The following SH3YL1 variants were observed in gnomAD, a reference collection of about 807,000 sequenced individuals.
The protein encoded by SH3YL1 is SH3 and SYLF domain containing 1.
Under a neutral mutation model 45.8 loss-of-function variants are expected in SH3YL1, and 41 were observed. The observed-to-expected ratio is 0.89, with a 90% CI of 0.70 to 1.16. The LOEUF (loss-of-function observed/expected upper bound fraction) is 1.16, where lower values mean the gene tolerates loss of function less well. SH3YL1 is among the 50% of genes most tolerant of loss of function. The pLI, the probability that SH3YL1 is intolerant of heterozygous loss-of-function variation, is 0.00. For missense variants in SH3YL1, 389 were observed against 409.6 expected, an observed-to-expected ratio of 0.95 and a Z score of 0.43; for synonymous variants, 152 against 151.4, an observed-to-expected ratio of 1.00 and a Z score of -0.03.
At chr2:242,997 C>T (rs1374157774) in intron 4 of SH3YL1, 3 of 581,008 alleles carry the variant, frequency 5.2e-6, no homozygotes, top group African/African-American at 3.8e-5. Flanking sequence ...TTTATACAAG[C>T]ACATAATATC....
At chr2:238,260 TGTG>T (rs1668392644) in intron 4 of SH3YL1, among the ~76,000 whole-genome samples, 1 of 2,550 alleles carries the variant, frequency 3.9e-4, no homozygotes, top group South Asian at 0.02. Context: ...CCTCCCTCCT[TGTG>T]TGTGTGTGTG....
intron 1 of SH3YL1, among the ~76,000 whole-genome samples, chr2:258,529 T>C (rs892763974): frequency 3.9e-5 from 6 of 152,226 alleles, no homozygotes; most frequent in African/African-American, 9.6e-5. Context: ...AACAGGATTG[T>C]AGATATTACC....
At position 233,176 on chromosome 2, in the gene SH3YL1, C is replaced by G; in HGVS notation, c.458G>C (p.Cys153Ser). Residue 153 changes from cysteine to serine, a missense_variant, in exon 6 of 10, where the codon TGC becomes TCC. By Grantham distance (112) the Cys-to-Ser change is moderately radical. Transcript: ENST00000356150. The part of the protein sequence containing the change: ...LRSSAAVFTY[C>S]KSRGLFAGVS... ...GCCTGCAAAGAGTCCCCTTGACTTG[C>G]AGTACGTGAAGACGGCAGCGGAGCT... The G allele has an allele frequency of 6.3e-7, 1 of 1,596,120 alleles. No individual in the cohort carries two copies. The highest frequency in any genetic ancestry group is 8.5e-7 in the Non-Finnish European group (1 of 1,169,692).
Position 262,653 on chromosome 2 carries a change from A to C in SH3YL1, c.1+1331T>G. Reference sequence around the variant, plus strand: ...CACTGGCAAACAAGCTGGCGTGCACAGGGACTTGTGAGGCTCTCAGCAGAG... The same window carrying C: ...CACTGGCAAACAAGCTGGCGTGCACCGGGACTTGTGAGGCTCTCAGCAGAG... On this transcript the variant is annotated intron_variant, in intron 1 of 9. Transcript: ENST00000356150. 4 of 1,304,310 alleles carry C rather than the reference A, an allele frequency of 3.1e-6. No individual in the cohort carries two copies. The Middle Eastern group carries it at 6.4e-4, about 208-fold the overall frequency. 80.8% of individuals were successfully genotyped at this position (1,304,310 alleles called of 1,614,324 possible).
At chr2:226,823 G>A (rs914371866) in intron 8 of SH3YL1, among the ~76,000 whole-genome samples, 1 of 151,552 alleles carries the variant, frequency 6.6e-6, no homozygotes, top group African/African-American at 2.4e-5. Context: ...TACATATACT[G>A]GGGAGTATAT....
At chr2:228,827 T>C (rs534448605) in intron 8 of SH3YL1, among the ~76,000 whole-genome samples, 17 of 152,272 alleles carry the variant, frequency 1.1e-4, no homozygotes, top group African/African-American at 3.4e-4. Context: ...CCAAGAATCA[T>C]ATGAGGGACT....
chr2:258,959 G>A (rs1395823872), intron 1 of SH3YL1, among the ~76,000 whole-genome samples: 1 of 152,140 alleles, frequency 6.6e-6, no homozygotes, highest in African/African-American at 2.4e-5. Context: ...CTAGTAACAT[G>A]CTCTGCAAAT....
intron 1 of SH3YL1, among the ~76,000 whole-genome samples, chr2:254,468 T>C (rs1669218851): frequency 6.6e-6 from 1 of 152,186 alleles, no homozygotes; most frequent in Admixed American, 6.5e-5. Context: ...TGTCTACAAT[T>C]AGGAGGCACA....
chr2:232,760 G>A (rs530253750), intron 6 of SH3YL1, among the ~76,000 whole-genome samples: 179 of 151,752 alleles, frequency 1.2e-3, no homozygotes, highest in African/African-American at 4.0e-3. Flanking sequence ...AATGCGAAGT[G>A]GAAAAAACAG....
chr2:235,336 G>A (rs1178433938), intron 4 of SH3YL1, among the ~76,000 whole-genome samples: 1 of 151,932 alleles, frequency 6.6e-6, no homozygotes, highest in Non-Finnish European at 1.5e-5. Flanking sequence ...CAAATGAGAG[G>A]CAGCATGGGT....
At chr2:261,477 C>T (rs1301804231) in intron 1 of SH3YL1, among the ~76,000 whole-genome samples, 1 of 151,972 alleles carries the variant, frequency 6.6e-6, no homozygotes. Flanking sequence ...TTCTTTAAAA[C>T]AAAAGTTAAA....
chr2:249,337 T>A (rs73907913), intron 3 of SH3YL1, among the ~76,000 whole-genome samples: 267 of 152,282 alleles, frequency 1.8e-3, no homozygotes, highest in African/African-American at 6.0e-3. Flanking sequence ...AATTCACATA[T>A]GGCCCCTTAT....
At chr2:221,950 AAGG>A (rs954845867) in intron 9 of SH3YL1, among the ~76,000 whole-genome samples, 174 of 152,286 alleles carry the variant, frequency 1.1e-3, no homozygotes, top group African/African-American at 3.9e-3. Flanking sequence ...TAATTTTCAC[AAGG>A]AGAAGTTTAA....
At chr2:230,656 G>C (rs549244596) in intron 7 of SH3YL1, 147 of 275,446 alleles carry the variant, frequency 5.3e-4, no homozygotes, top group Non-Finnish European at 9.2e-4. Flanking sequence ...ATGGGCACAC[G>C]CCACCATGCC....
intron 4 of SH3YL1, 70 bp from the exon 5 acceptor site, chr2:234,342 A>G (rs1668190901): frequency 9.2e-7 from 1 of 1,086,012 alleles, no homozygotes; most frequent in Non-Finnish European, 1.4e-6. Context: ...ATCTTGACTA[A>G]CACTCAACTA....
intron 8 of SH3YL1, among the ~76,000 whole-genome samples, chr2:226,954 G>A (rs1667808572): frequency 6.6e-6 from 1 of 152,156 alleles, no homozygotes; most frequent in Non-Finnish European, 1.5e-5. Flanking sequence ...GGTGAAAAAT[G>A]CACATGGTGG....
At chr2:228,432 C>T (rs1667878679) in intron 8 of SH3YL1, among the ~76,000 whole-genome samples, 1 of 152,196 alleles carries the variant, frequency 6.6e-6, no homozygotes, top group African/African-American at 2.4e-5. Context: ...GTAAGGTCCA[C>T]AGTCATTTTT....
At chr2:224,523 C>T (rs1048094459) in intron 9 of SH3YL1, among the ~76,000 whole-genome samples, 4 of 152,142 alleles carry the variant, frequency 2.6e-5, no homozygotes, top group Non-Finnish European at 5.9e-5. Context: ...TGCCATGGCT[C>T]CCGGGGCTCA....
intron 6 of SH3YL1, 187 bp downstream of exon 6, chr2:232,914 T>G: frequency 2.5e-6 from 1 of 405,228 alleles, no homozygotes; most frequent in Non-Finnish European, 4.0e-6. Flanking sequence ...TTATTTCTTT[T>G]TCATGTGTCT....
Sources: gnomAD v4.1 joint callset for allele counts (sites outside exome capture counted in the v4.1 genomes callset) on GRCh38, gnomAD v4.1.1 for gene constraint, MANE v1.5 for transcripts, NCBI Gene and HGNC (gene_info 2026-07-23, HGNC 2026-07-21) for gene names.